TGFB2: variants seen among roughly 807,000 people sequenced by gnomAD.
The protein encoded by TGFB2 is transforming growth factor beta-2 proprotein.
A neutral mutation model predicts 42.7 loss-of-function variants in TGFB2; 13 were observed. The observed-to-expected ratio is 0.30, with a 90% CI of 0.20 to 0.48. The LOEUF (loss-of-function observed/expected upper bound fraction) is 0.48. Among genes scored for constraint, TGFB2 ranks in the 20% least tolerant of loss-of-function variants. TGFB2 has a pLI of 0.99. For missense variants in TGFB2, 390 were observed against 517.5 expected, an observed-to-expected ratio of 0.75 and a Z score of 2.39; for synonymous variants, 193 against 193.6, an observed-to-expected ratio of 1.00 and a Z score of 0.03.
intron 1 of TGFB2, among the ~76,000 whole-genome samples, chr1:218,401,483 C>T (rs1216593208): frequency 6.6e-6 from 1 of 152,012 alleles, no homozygotes; most frequent in Non-Finnish European, 1.5e-5. Context: ...GGGAGGAGGA[C>T]CAGAATCAGC....
At chr1:218,407,709 G>A (rs76953711) in intron 2 of TGFB2, among the ~76,000 whole-genome samples, 2,071 of 152,200 alleles carry the variant, frequency 0.014, 55 homozygotes, top group African/African-American at 0.048. Flanking sequence ...AAGTAACTTG[G>A]CCAGGGTCAC....
chr1:218,376,803 C>A (rs1657756970), intron 1 of TGFB2, among the ~76,000 whole-genome samples: 1 of 152,168 alleles, frequency 6.6e-6, no homozygotes, highest in Non-Finnish European at 1.5e-5. Context: ...TACACACTAC[C>A]CTGCACAAAG....
rs1656647211 is a variant in TGFB2, at chr1:218,345,856, G to GGCGGCAGCAACGTGGAGTAACCAA, written c.-841_-818dup. Among the ~76,000 whole-genome samples the GGCGGCAGCAACGTGGAGTAACCAA allele has an allele frequency of 1.3e-5, 2 of 152,068 alleles. No homozygotes were observed. Among genetic ancestry groups the GGCGGCAGCAACGTGGAGTAACCAA allele is most frequent in the African/African-American group, 4.8e-5 (2 of 41,424 alleles). ...GAGGCTGGAAGCGTTTGCAAGCGGCGGCGGCAGCAACGTGGAGTAACCAAG... is the reference window on the plus strand; with the variant it reads ...GAGGCTGGAAGCGTTTGCAAGCGGCGGCGGCAGCAACGTGGAGTAACCAAGCGGCAGCAACGTGGAGTAACCAAG... On this transcript the variant is annotated 5_prime_UTR_variant, in exon 1 of 7. Transcript: ENST00000366930.
intron 1 of TGFB2, among the ~76,000 whole-genome samples, chr1:218,367,774 G>A (rs1368797069): frequency 6.6e-6 from 1 of 152,136 alleles, no homozygotes; most frequent in Admixed American, 6.6e-5. Flanking sequence ...GGAAGAGAAA[G>A]GTGAAGAGAG....
At chr1:218,371,327 T>C (rs1204582547) in intron 1 of TGFB2, among the ~76,000 whole-genome samples, 1 of 152,096 alleles carries the variant, frequency 6.6e-6, no homozygotes, top group Non-Finnish European at 1.5e-5. Context: ...AAATAAAAAT[T>C]TAAAAACAGA....
rs1182002582 is a variant in TGFB2 at position 218,443,873 on chromosome 1, A to C, written c.*2511A>C. 6.6e-6 allele frequency: 1 copy of C among 152,128 alleles called. No homozygotes were observed. The highest frequency in any genetic ancestry group is 2.4e-5 in the African/African-American group (1 of 41,414). The allele number at this position is 152,128 out of a possible 1,614,324, so 9.4% of individuals were successfully genotyped here. A position where few individuals can be genotyped will look rare whatever the true frequency, so the allele number is the denominator to read the frequency against. ...TCAGCAGTACAATTTGATCGTTGGC[A>C]TGGTTAAAAAATGGAATATAAGATT... On this transcript the variant is annotated 3_prime_UTR_variant, in exon 7 of 7. Coordinates refer to ENST00000366930, the MANE Select transcript of TGFB2 (RefSeq NM_003238.6).
intron 2 of TGFB2, among the ~76,000 whole-genome samples, chr1:218,413,325 A>C (rs1659161831): frequency 6.6e-6 from 1 of 150,554 alleles, no homozygotes. Context: ...GTGAGCCGAG[A>C]TCACACAATC....
intron 1 of TGFB2, among the ~76,000 whole-genome samples, chr1:218,364,205 A>G (rs776165787): frequency 6.6e-5 from 10 of 152,162 alleles, no homozygotes; most frequent in Non-Finnish European, 1.5e-4. Context: ...ATGGATCGTC[A>G]TGGGTCAGGC....
chr1:218,358,672 C>T (rs1299154561), intron 1 of TGFB2, among the ~76,000 whole-genome samples: 1 of 151,850 alleles, frequency 6.6e-6, no homozygotes, highest in African/African-American at 2.4e-5. Context: ...CCTCAGCCTC[C>T]CGAGTAGCTG....
chr1:218,371,376 G>A (rs1359358424), intron 1 of TGFB2, among the ~76,000 whole-genome samples: 1 of 152,154 alleles, frequency 6.6e-6, no homozygotes, highest in East Asian at 1.9e-4. Context: ...GACATGATTG[G>A]ATCCACACTA....
At chr1:218,429,963 A>G (rs766376195) in intron 2 of TGFB2, among the ~76,000 whole-genome samples, 1 of 152,174 alleles carries the variant, frequency 6.6e-6, no homozygotes, top group South Asian at 2.1e-4. Context: ...TTGGAGAGTA[A>G]CTTTCCCCAA....
At chr1:218,417,830 C>T (rs1412808513) in intron 2 of TGFB2, among the ~76,000 whole-genome samples, 1 of 152,216 alleles carries the variant, frequency 6.6e-6, no homozygotes, top group Non-Finnish European at 1.5e-5. Context: ...TCAGAGGGTG[C>T]AAGCCCCAAG....
chr1:218,350,753 A>G (rs1248821777), intron 1 of TGFB2, among the ~76,000 whole-genome samples: 1 of 152,162 alleles, frequency 6.6e-6, no homozygotes, highest in Non-Finnish European at 1.5e-5. Flanking sequence ...ATTTAGCTTA[A>G]GTGATGGTGT....
chr1:218,385,764 T>A (rs1181330306), intron 1 of TGFB2, among the ~76,000 whole-genome samples: 1 of 152,248 alleles, frequency 6.6e-6, no homozygotes, highest in Non-Finnish European at 1.5e-5. Context: ...CTTTCCCATC[T>A]TTCCCCTTGG....
chr1:218,406,535 G>A (rs989580840), intron 2 of TGFB2, among the ~76,000 whole-genome samples: 1 of 152,104 alleles, frequency 6.6e-6, no homozygotes, highest in Non-Finnish European at 1.5e-5. Context: ...CCTGAGTCTG[G>A]TGCAGCCTTG....
At chr1:218,377,115 T>C (rs1250109201) in intron 1 of TGFB2, among the ~76,000 whole-genome samples, 5 of 152,050 alleles carry the variant, frequency 3.3e-5, no homozygotes, top group African/African-American at 9.7e-5. Flanking sequence ...CCCGGGCTGG[T>C]CTCAGACTCC....
rs1288177337 is a variant in TGFB2 at position 218,345,891 on chromosome 1, G to C, written c.-811G>C. Among the ~76,000 whole-genome samples the C allele has an allele frequency of 2.0e-5, 3 of 152,010 alleles. No homozygotes were observed. The highest frequency in any genetic ancestry group is 2.9e-5 in the Non-Finnish European group (2 of 67,988). On this transcript the variant is annotated 5_prime_UTR_variant, in exon 1 of 7. Coordinates refer to ENST00000366930, the MANE Select transcript of TGFB2 (RefSeq NM_003238.6). ...ACGTGGAGTAACCAAGCGGGTCAGC[G>C]CGCGCCCGCCAGGGTGTAGGCCACG... is the stretch of plus-strand genomic sequence containing the variant.
At chr1:218,360,519 A>T (rs1304086361) in intron 1 of TGFB2, among the ~76,000 whole-genome samples, 1 of 152,018 alleles carries the variant, frequency 6.6e-6, no homozygotes, top group Non-Finnish European at 1.5e-5. Context: ...GTCAGTGGGG[A>T]TGGGGTAGGG....
At chr1:218,362,148 G>A (rs2102544622) in intron 1 of TGFB2, among the ~76,000 whole-genome samples, 1 of 152,238 alleles carries the variant, frequency 6.6e-6, no homozygotes, top group Middle Eastern at 3.4e-3. Context: ...GTGATAAGAG[G>A]CACACATATG....
Sources: gnomAD v4.1 joint callset for allele counts (sites outside exome capture counted in the v4.1 genomes callset) on GRCh38, gnomAD v4.1.1 for gene constraint, MANE v1.5 for transcripts, NCBI Gene and HGNC (gene_info 2026-07-23, HGNC 2026-07-21) for gene names.